Variants in DLG2 observed in about 807,000 individuals in gnomAD.
DLG2 encodes disks large homolog 2.
DLG2 carries 45 observed loss-of-function variants against 132.5 expected under a neutral mutation model. That is an observed-to-expected ratio of 0.34 (90% confidence interval 0.27 to 0.44). The LOEUF (loss-of-function observed/expected upper bound fraction) is 0.44. Among genes scored for constraint, DLG2 ranks in the 20% least tolerant of loss-of-function variants. The pLI, the probability that DLG2 is intolerant of heterozygous loss-of-function variation, is 1.00. For synonymous variants in DLG2, 424 were observed against 419.6 expected (o/e 1.01, Z -0.13); for missense variants, 1,045 against 1,196.9 (o/e 0.87, Z 1.87).
At chr11:84,064,028 C>T (rs866375164) in intron 10 of DLG2, among the ~76,000 whole-genome samples, 15 of 152,106 alleles carry the variant, frequency 9.9e-5, no homozygotes, top group African/African-American at 2.9e-4. Flanking sequence ...TGAGTTAATG[C>T]ATACAGCACA....
intron 3 of DLG2, among the ~76,000 whole-genome samples, chr11:85,545,441 G>A (rs568253040): frequency 6.6e-6 from 1 of 152,118 alleles, no homozygotes; most frequent in South Asian, 2.1e-4. Flanking sequence ...ATATTAGCCG[G>A]AAATTTTCTT....
intron 21 of DLG2, among the ~76,000 whole-genome samples, chr11:83,504,304 C>T (rs2094587513): frequency 6.6e-6 from 1 of 152,108 alleles, no homozygotes; most frequent in Admixed American, 6.5e-5. Flanking sequence ...AACCTTGATT[C>T]CTAAAGGGCC....
chr11:84,248,000 C>T (rs1391461627), intron 8 of DLG2, among the ~76,000 whole-genome samples: 3 of 152,180 alleles, frequency 2.0e-5, no homozygotes, highest in East Asian at 1.9e-4. Flanking sequence ...ACTCTGAAAT[C>T]GTTTTTTCAT....
intron 15 of DLG2, among the ~76,000 whole-genome samples, chr11:83,898,494 AC>A (rs2072432382): frequency 6.6e-6 from 1 of 152,016 alleles, no homozygotes; most frequent in African/African-American, 2.4e-5. Context: ...GATAATGGAG[AC>A]TTTTTCTTTT....
intron 3 of DLG2, among the ~76,000 whole-genome samples, chr11:85,374,244 T>G (rs1057111072): frequency 6.6e-6 from 1 of 152,138 alleles, no homozygotes; most frequent in African/African-American, 2.4e-5. Flanking sequence ...TACTAAAACT[T>G]TCACCTGTGG....
intron 6 of DLG2, among the ~76,000 whole-genome samples, chr11:84,738,421 A>T (rs1451408719): frequency 3.3e-5 from 5 of 152,118 alleles, no homozygotes; most frequent in Non-Finnish European, 7.4e-5. Context: ...AAAGAAATCT[A>T]AGGACATAAC....
intron 6 of DLG2, among the ~76,000 whole-genome samples, chr11:84,718,214 CA>C (rs1276091535): frequency 1.3e-5 from 2 of 151,942 alleles, no homozygotes; most frequent in Non-Finnish European, 2.9e-5. Context: ...AAATACTTTG[CA>C]AAATAAGATG....
At chr11:84,733,485 G>A (rs2063427125) in intron 6 of DLG2, among the ~76,000 whole-genome samples, 1 of 151,728 alleles carries the variant, frequency 6.6e-6, no homozygotes, top group Admixed American at 6.6e-5. Context: ...TGTTGATAGG[G>A]TTGTTTCTTT....
chr11:85,505,689 C>T (rs150631208), intron 3 of DLG2, among the ~76,000 whole-genome samples: 5,284 of 151,746 alleles, frequency 0.035, 293 homozygotes, highest in African/African-American at 0.12. Flanking sequence ...TCTTTTTTTG[C>T]TGTGTCTCTG....
chr11:83,860,378 T>C (rs191840453), intron 16 of DLG2, among the ~76,000 whole-genome samples: 35 of 152,236 alleles, frequency 2.3e-4, no homozygotes, highest in African/African-American at 7.9e-4. Flanking sequence ...ACCTCTTACA[T>C]CAGCATGACC....
At chr11:84,804,929 C>T (rs759279684) in intron 6 of DLG2, among the ~76,000 whole-genome samples, 8 of 151,970 alleles carry the variant, frequency 5.3e-5, no homozygotes, top group Admixed American at 1.3e-4. Context: ...ACATTGTAAC[C>T]GTGGAGAAAA....
intron 6 of DLG2, among the ~76,000 whole-genome samples, chr11:84,668,889 A>G (rs1209625941): frequency 6.6e-6 from 1 of 152,186 alleles, no homozygotes; most frequent in African/African-American, 2.4e-5. Flanking sequence ...CATTTATCCA[A>G]AAAATATTTG....
intron 6 of DLG2, among the ~76,000 whole-genome samples, chr11:84,606,996 C>G (rs1469985700): frequency 1.3e-5 from 2 of 152,084 alleles, no homozygotes; most frequent in Non-Finnish European, 2.9e-5. Context: ...ATCATTTCTA[C>G]TTTTTAATTC....
intron 6 of DLG2, among the ~76,000 whole-genome samples, chr11:84,877,396 A>C (rs2154050978): frequency 6.6e-6 from 1 of 152,036 alleles, no homozygotes; most frequent in Middle Eastern, 3.4e-3. Flanking sequence ...TATTTAGGAT[A>C]ATTAGCTCTT....
At chr11:85,065,464 T>C (rs1428136006) in intron 6 of DLG2, among the ~76,000 whole-genome samples, 3 of 151,732 alleles carry the variant, frequency 2.0e-5, no homozygotes, top group East Asian at 1.9e-4. Context: ...GGTATAATGA[T>C]TTCCCCAAGT....
chr11:83,750,551 C>G (rs747535741), intron 18 of DLG2, among the ~76,000 whole-genome samples: 1 of 152,148 alleles, frequency 6.6e-6, no homozygotes, highest in East Asian at 1.9e-4. Context: ...ACCCTACATT[C>G]ATCTCTACTT....
At chr11:84,077,966 A>C (rs942956084) in intron 10 of DLG2, among the ~76,000 whole-genome samples, 2 of 152,190 alleles carry the variant, frequency 1.3e-5, no homozygotes, top group Admixed American at 6.5e-5. Flanking sequence ...TGTGACCATA[A>C]GATTCCAAAC....
chr11:84,415,887 T>G (rs962056336), intron 7 of DLG2, among the ~76,000 whole-genome samples: 2 of 152,194 alleles, frequency 1.3e-5, no homozygotes, highest in African/African-American at 4.8e-5. Context: ...GTTAATCACA[T>G]GTTGAGTGCT....
chr11:83,753,895 T>TG (rs1164149256), intron 18 of DLG2, among the ~76,000 whole-genome samples: 3 of 127,078 alleles, frequency 2.4e-5, no homozygotes, highest in African/African-American at 9.7e-5. Flanking sequence ...ATATATATCA[T>TG]ATATATATTT....
Sources: gnomAD v4.1 joint callset for allele counts (sites outside exome capture counted in the v4.1 genomes callset) on GRCh38, gnomAD v4.1.1 for gene constraint, MANE v1.5 for transcripts, NCBI Gene and HGNC (gene_info 2026-07-23, HGNC 2026-07-21) for gene names.